SCD5: variants seen among roughly 807,000 people sequenced by gnomAD.
SCD5 encodes acyl-CoA-desaturase 4.
SCD5 carries 20 observed loss-of-function variants against 30.4 expected under a neutral mutation model. The observed-to-expected ratio is 0.66, with a 90% CI of 0.46 to 0.96. The LOEUF is 0.96. SCD5 is among the 40% of genes least tolerant of loss of function. SCD5 has a pLI of 0.00. For missense variants in SCD5, 381 were observed against 443.3 expected, an observed-to-expected ratio of 0.86 and a Z score of 1.26; for synonymous variants, 173 against 176.4, an observed-to-expected ratio of 0.98 and a Z score of 0.16.
intron 1 of SCD5, among the ~76,000 whole-genome samples, chr4:82,779,369 T>C (rs1342775427): frequency 6.6e-6 from 1 of 152,048 alleles, no homozygotes; most frequent in Non-Finnish European, 1.5e-5. Flanking sequence ...CTCTACCAGG[T>C]GAAAAAGGCA....
chr4:82,748,657 G>T (rs894321352), intron 1 of SCD5, among the ~76,000 whole-genome samples: 13 of 152,180 alleles, frequency 8.5e-5, no homozygotes, highest in Admixed American at 7.9e-4. Context: ...CACTATGGAC[G>T]GTCCTAACCT....
chr4:82,694,511 GA>G (rs1294966394), intron 2 of SCD5, among the ~76,000 whole-genome samples: 2 of 152,186 alleles, frequency 1.3e-5, no homozygotes, highest in Non-Finnish European at 2.9e-5. Flanking sequence ...TGGCCTGTAA[GA>G]GGCTTTGAAA....
rs3733230 is a variant in SCD5 at position 82,630,192 on chromosome 4, C to G, written c.*1135G>C. ...AGGCATGATTTATAAGGTGGGCTGG[C>G]CATAGGGCTCAGGACACAAAACGAG... On this transcript the variant is annotated 3_prime_UTR_variant, in exon 5 of 5. Coordinates refer to ENST00000319540, the MANE Select transcript of SCD5 (RefSeq NM_001037582.3). The G allele has an allele frequency of 0.63, 96,269 of 151,996 alleles. 30,860 individuals are homozygous for G. The highest frequency in any genetic ancestry group is 0.73 in the Admixed American group (11,106 of 15,292). The allele number at this position is 151,996 out of a possible 1,614,324, so 9.4% of individuals were successfully genotyped here. A position where few individuals can be genotyped will look rare whatever the true frequency, so the allele number is the denominator to read the frequency against.
chr4:82,642,723 T>G (rs891351014), intron 3 of SCD5, among the ~76,000 whole-genome samples: 1 of 152,230 alleles, frequency 6.6e-6, no homozygotes, highest in Non-Finnish European at 1.5e-5. Context: ...TGACTGCACA[T>G]TAGAATAAAT....
intron 2 of SCD5, among the ~76,000 whole-genome samples, chr4:82,697,646 G>C (rs1719724344): frequency 5.3e-5 from 8 of 152,114 alleles, no homozygotes; most frequent in Admixed American, 5.2e-4. Context: ...TACCTTAATA[G>C]GTTCATTTTT....
Position 82,664,335 on chromosome 4 carries a change from A to G in SCD5, c.569+16372T>C, listed in dbSNP as rs59974427. 4.5e-3 allele frequency among the ~76,000 whole-genome samples: 691 copies of G among 152,348 alleles called. 10 individuals carry two copies. Among genetic ancestry groups the G allele is most frequent in the African/African-American group, 0.016 (656 of 41,580 alleles). ...CACACATACTGAAGGTCTGAAAGAAAAAGAGATGTGCCCATGCTCAAGCAT... is the reference window on the plus strand; with the variant it reads ...CACACATACTGAAGGTCTGAAAGAAGAAGAGATGTGCCCATGCTCAAGCAT... On this transcript the variant is annotated intron_variant, in intron 3 of 4. Coordinates refer to ENST00000319540, the MANE Select transcript of SCD5 (RefSeq NM_001037582.3).
At chr4:82,779,837 G>T (rs1312401604) in intron 1 of SCD5, among the ~76,000 whole-genome samples, 1 of 152,140 alleles carries the variant, frequency 6.6e-6, no homozygotes, top group Non-Finnish European at 1.5e-5. Context: ...TAGTGCATTT[G>T]CACTACAATA....
chr4:82,726,890 CA>C (rs1720511418), intron 1 of SCD5, among the ~76,000 whole-genome samples: 1 of 152,122 alleles, frequency 6.6e-6, no homozygotes, highest in Non-Finnish European at 1.5e-5. Flanking sequence ...CCTAATTGGT[CA>C]AGAAAAGGAG....
intron 4 of SCD5, among the ~76,000 whole-genome samples, chr4:82,635,250 T>C (rs1422475898): frequency 1.3e-5 from 2 of 152,170 alleles, no homozygotes; most frequent in Non-Finnish European, 1.5e-5. Flanking sequence ...TGATTATCCC[T>C]GCTATGATTA....
At chr4:82,728,372 A>G (rs1180318067) in intron 1 of SCD5, among the ~76,000 whole-genome samples, 1 of 152,106 alleles carries the variant, frequency 6.6e-6, no homozygotes, top group African/African-American at 2.4e-5. Flanking sequence ...TGCCTTTGTA[A>G]AACTAGTGAA....
chr4:82,685,503 G>A (rs184686074), intron 2 of SCD5, among the ~76,000 whole-genome samples: 19 of 152,032 alleles, frequency 1.2e-4, no homozygotes, highest in East Asian at 1.9e-4. Flanking sequence ...ACCTGAGGAC[G>A]GGAGTTCGAG....
chr4:82,651,269 A>G (rs1325225409), intron 3 of SCD5, among the ~76,000 whole-genome samples: 1 of 152,222 alleles, frequency 6.6e-6, no homozygotes, highest in Non-Finnish European at 1.5e-5. Flanking sequence ...TTGAAGAATG[A>G]ATAAGAGTTG....
At chr4:82,749,541 A>G (rs145175292) in intron 1 of SCD5, among the ~76,000 whole-genome samples, 326 of 152,390 alleles carry the variant, frequency 2.1e-3, no homozygotes, top group Non-Finnish European at 3.2e-3. Flanking sequence ...AAACATTTAC[A>G]TAAATAGAAA....
At chr4:82,714,347 C>T (rs1216894381) in intron 1 of SCD5, among the ~76,000 whole-genome samples, 1 of 152,144 alleles carries the variant, frequency 6.6e-6, no homozygotes, top group African/African-American at 2.4e-5. Context: ...CTCATAGCTG[C>T]CCCCAATCAA....
chr4:82,723,040 G>GCA (rs988712297), intron 1 of SCD5, among the ~76,000 whole-genome samples: 1 of 140,582 alleles, frequency 7.1e-6, no homozygotes, highest in African/African-American at 2.7e-5. Flanking sequence ...TCGCGCCATT[G>GCA]CACTCCAGCC....
intron 1 of SCD5, among the ~76,000 whole-genome samples, chr4:82,739,667 G>A (rs1720832189): frequency 2.0e-5 from 3 of 152,334 alleles, no homozygotes; most frequent in South Asian, 2.1e-4. Context: ...GATTCAGATC[G>A]GCCAAGGCTT....
At chr4:82,744,594 G>C (rs906587161) in intron 1 of SCD5, among the ~76,000 whole-genome samples, 2 of 152,160 alleles carry the variant, frequency 1.3e-5, no homozygotes, top group African/African-American at 2.4e-5. Flanking sequence ...AAATCTGTAG[G>C]TGAGTTTTCA....
At chr4:82,783,744 A>G (rs951954819) in intron 1 of SCD5, among the ~76,000 whole-genome samples, 16 of 151,950 alleles carry the variant, frequency 1.1e-4, no homozygotes, top group African/African-American at 3.9e-4. Context: ...CGGAGGTTGC[A>G]GTGAGCCGAG....
intron 3 of SCD5, among the ~76,000 whole-genome samples, chr4:82,655,090 C>T (rs893746393): frequency 1.3e-5 from 2 of 152,172 alleles, no homozygotes; most frequent in Non-Finnish European, 2.9e-5. Flanking sequence ...AATTGTGAAT[C>T]CCCTTTGGTT....
Sources: gnomAD v4.1 joint callset for allele counts (sites outside exome capture counted in the v4.1 genomes callset) on GRCh38, gnomAD v4.1.1 for gene constraint, MANE v1.5 for transcripts, NCBI Gene and HGNC (gene_info 2026-07-23, HGNC 2026-07-21) for gene names.